Variants in PPARG observed in about 807,000 individuals in gnomAD.
The protein encoded by PPARG is peroxisome proliferator activated receptor gamma.
Under a neutral mutation model 39.2 loss-of-function variants are expected in PPARG, and 17 were observed. The ratio of observed to expected loss-of-function variants is 0.43; its 90% CI spans 0.30 to 0.65. The LOEUF is 0.65. Ranked by LOEUF, PPARG falls within the 30% of genes least tolerant of loss-of-function variation. PPARG has a pLI of 0.13. For synonymous variants in PPARG, 223 were observed against 215.7 expected (o/e 1.03, Z -0.30); for missense variants, 406 against 585.9 (o/e 0.69, Z 3.17).
rs570788279 is a variant in PPARG, at chr3:12,317,093, G to C, written c.-9+4640G>C. ...GACACAACGATCTTTATCATTTTCTGTATGTGCTCACATGCAAAGTTCAGT... is the reference window on the plus strand; with the variant it reads ...GACACAACGATCTTTATCATTTTCTCTATGTGCTCACATGCAAAGTTCAGT... On this transcript the variant is annotated intron_variant, in intron 2 of 7. Transcript: ENST00000651735. Among the ~76,000 whole-genome samples the C allele has an allele frequency of 2.0e-4, 31 of 152,236 alleles. No homozygotes were observed. In the South Asian group the frequency reaches 6.2e-3, roughly 31 times the overall value.
chr3:12,306,018 A>G (rs1361679713), intron 1 of PPARG: 2 of 152,208 alleles, frequency 1.3e-5, no homozygotes, highest in Non-Finnish European at 2.9e-5. Context: ...TAAGCACATT[A>G]TATACATTAT....
intron 5 of PPARG, among the ~76,000 whole-genome samples, chr3:12,405,308 A>G (rs1428941325): frequency 2.0e-5 from 3 of 152,164 alleles, no homozygotes; most frequent in Non-Finnish European, 2.9e-5. Flanking sequence ...GGAGATAACT[A>G]TGGCTTCTCT....
intron 2 of PPARG, among the ~76,000 whole-genome samples, chr3:12,318,642 A>G (rs1184977226): frequency 1.3e-5 from 2 of 152,214 alleles, no homozygotes; most frequent in Non-Finnish European, 2.9e-5. Flanking sequence ...TTGGGGGTTC[A>G]GTGTCTCCTT....
At chr3:12,384,450 G>C (rs1287711288) in intron 4 of PPARG, among the ~76,000 whole-genome samples, 2 of 151,978 alleles carry the variant, frequency 1.3e-5, no homozygotes, top group African/African-American at 4.8e-5. Context: ...AACTTTTTTT[G>C]AATTCTTATT....
At chr3:12,322,519 G>A (rs909824675) in intron 2 of PPARG, among the ~76,000 whole-genome samples, 1 of 152,170 alleles carries the variant, frequency 6.6e-6, no homozygotes, top group South Asian at 2.1e-4. Flanking sequence ...GAAGATACAC[G>A]TGCAGAACTG....
At chr3:12,339,520 C>T (rs947863343) in intron 2 of PPARG, among the ~76,000 whole-genome samples, 4 of 152,152 alleles carry the variant, frequency 2.6e-5, no homozygotes, top group African/African-American at 9.7e-5. Context: ...TCTAGATCTC[C>T]TAAGAATATT....
chr3:12,398,758 G>A (rs2050357963), intron 5 of PPARG, among the ~76,000 whole-genome samples: 1 of 152,230 alleles, frequency 6.6e-6, no homozygotes, highest in South Asian at 2.1e-4. Context: ...ATACTGAAGA[G>A]CTCAAGTCTA....
chr3:12,365,883 C>T (rs556355353), intron 2 of PPARG, among the ~76,000 whole-genome samples: 82 of 152,162 alleles, frequency 5.4e-4, no homozygotes, highest in Middle Eastern at 3.4e-3. Flanking sequence ...TTGGCTATTA[C>T]GGGTCTTTTG....
chr3:12,297,713 C>T (rs1336475635), intron 1 of PPARG, among the ~76,000 whole-genome samples: 1 of 152,092 alleles, frequency 6.6e-6, no homozygotes, highest in Non-Finnish European at 1.5e-5. Flanking sequence ...TTGTTTGGGT[C>T]CGTGATCTAC....
At chr3:12,350,846 A>G (rs1216896630) in intron 2 of PPARG, among the ~76,000 whole-genome samples, 1 of 152,220 alleles carries the variant, frequency 6.6e-6, no homozygotes, top group Non-Finnish European at 1.5e-5. Context: ...GGATAAGCTG[A>G]AGTTTTTAAG....
At chr3:12,381,038 G>A (rs560545466) in intron 3 of PPARG, among the ~76,000 whole-genome samples, 1 of 152,294 alleles carries the variant, frequency 6.6e-6, no homozygotes, top group East Asian at 1.9e-4. Context: ...TATGTTGTCT[G>A]TTACAGCTGT....
intron 2 of PPARG, among the ~76,000 whole-genome samples, chr3:12,375,824 T>C (rs113136510): frequency 3.2e-3 from 494 of 152,340 alleles, no homozygotes; most frequent in Non-Finnish European, 5.6e-3. Flanking sequence ...GAAACACAGA[T>C]AACTTAAGGT....
chr3:12,315,892 C>T (rs2125007113), intron 2 of PPARG, among the ~76,000 whole-genome samples: 1 of 152,168 alleles, frequency 6.6e-6, no homozygotes, highest in Admixed American at 6.5e-5. Flanking sequence ...TCATGCAATA[C>T]TTTGAAAAAA....
intron 2 of PPARG, among the ~76,000 whole-genome samples, chr3:12,348,325 C>A (rs1234417382): frequency 6.6e-6 from 1 of 152,194 alleles, no homozygotes; most frequent in Non-Finnish European, 1.5e-5. Flanking sequence ...GAATTGCCTT[C>A]TCCTAAAAGT....
Position 12,304,251 on chromosome 3 carries a change from G to A in PPARG, c.-82-8129G>A, listed in dbSNP as rs968678444. Among the ~76,000 whole-genome samples, 118 of 152,314 alleles carry A rather than the reference G, an allele frequency of 7.7e-4. 1 individual carries two copies. Among genetic ancestry groups the A allele is most frequent in the African/African-American group, 2.6e-3 (110 of 41,558 alleles). ...ATATTGGGGTTGAATAAGACCAGGC[G>A]TGACTACCCACTTGAGGATGTCTTT... On this transcript the variant is annotated intron_variant, in intron 1 of 7. Transcript: ENST00000651735.
chr3:12,324,934 C>T (rs2047649189), intron 2 of PPARG, among the ~76,000 whole-genome samples: 1 of 152,116 alleles, frequency 6.6e-6, no homozygotes, highest in Non-Finnish European at 1.5e-5. Context: ...AGAACAACTA[C>T]CAATGAATAT....
At chr3:12,303,225 C>T (rs2046973924) in intron 1 of PPARG, among the ~76,000 whole-genome samples, 1 of 151,296 alleles carries the variant, frequency 6.6e-6, no homozygotes, top group Non-Finnish European at 1.5e-5. Context: ...GAGATGGAGT[C>T]TCACTCTGTC....
At chr3:12,410,610 G>T (rs1347899724) in intron 6 of PPARG, among the ~76,000 whole-genome samples, 1 of 152,140 alleles carries the variant, frequency 6.6e-6, no homozygotes, top group Non-Finnish European at 1.5e-5. Context: ...GTTTATGGTA[G>T]GTACATGTGG....
intron 2 of PPARG, among the ~76,000 whole-genome samples, chr3:12,357,249 T>G (rs868716046): frequency 6.6e-6 from 1 of 151,928 alleles, no homozygotes; most frequent in Non-Finnish European, 1.5e-5. Context: ...GGCCCCTACC[T>G]CCTGCCCTAC....
Sources: gnomAD v4.1 joint callset for allele counts (sites outside exome capture counted in the v4.1 genomes callset) on GRCh38, gnomAD v4.1.1 for gene constraint, MANE v1.5 for transcripts, NCBI Gene and HGNC (gene_info 2026-07-23, HGNC 2026-07-21) for gene names.